Variants in ATP2B2 observed in about 807,000 individuals in gnomAD.
ATP2B2 encodes the protein plasma membrane calcium-transporting ATPase 2.
A neutral mutation model predicts 120.0 loss-of-function variants in ATP2B2; 15 were observed. That is an observed-to-expected ratio of 0.12 (90% CI 0.08 to 0.19). The LOEUF is 0.19. Among genes scored for constraint, ATP2B2 ranks in the 10% least tolerant of loss-of-function variants. The pLI is 1.00. For missense variants in ATP2B2, 1,045 were observed against 1,719.8 expected, an observed-to-expected ratio of 0.61 and a Z score of 6.94; for synonymous variants, 694 against 700.3, an observed-to-expected ratio of 0.99 and a Z score of 0.14.
At chr3:10,498,041 A>G (rs2066226446) in intron 1 of ATP2B2, among the ~76,000 whole-genome samples, 1 of 152,224 alleles carries the variant, frequency 6.6e-6, no homozygotes, top group African/African-American at 2.4e-5. Context: ...CTTTACGTAT[A>G]TTTAAGAAAT....
chr3:10,541,089 G>A (rs1440933075), intron 2 of ATP2B2, among the ~76,000 whole-genome samples: 1 of 152,018 alleles, frequency 6.6e-6, no homozygotes, highest in Admixed American at 6.6e-5. Flanking sequence ...TGATGTCTGT[G>A]GGGTCTGTAG....
intron 22 of ATP2B2, among the ~76,000 whole-genome samples, chr3:10,332,990 C>T (rs2060021726): frequency 6.6e-6 from 1 of 152,216 alleles, no homozygotes; most frequent in Admixed American, 6.5e-5. Flanking sequence ...AATTCATTCC[C>T]TCCCGAGCAT....
At chr3:10,486,841 T>G (rs2065696550) in intron 1 of ATP2B2, among the ~76,000 whole-genome samples, 1 of 152,096 alleles carries the variant, frequency 6.6e-6, no homozygotes, top group Admixed American at 6.5e-5. Context: ...TGCCTCAGCC[T>G]CCTGAGTAGC....
At chr3:10,659,482 T>C (rs2070724190) in intron 1 of ATP2B2, among the ~76,000 whole-genome samples, 1 of 151,776 alleles carries the variant, frequency 6.6e-6, no homozygotes, top group African/African-American at 2.4e-5. Context: ...CAAACTAAGA[T>C]CAAAAGAGAC....
intron 1 of ATP2B2, among the ~76,000 whole-genome samples, chr3:10,458,979 T>G (rs564006092): frequency 1.3e-5 from 2 of 152,360 alleles, no homozygotes; most frequent in Admixed American, 1.3e-4. Flanking sequence ...AAGGGTTATT[T>G]TAGCCCCACC....
intron 1 of ATP2B2, among the ~76,000 whole-genome samples, chr3:10,668,129 T>C (rs2070995095): frequency 6.6e-6 from 1 of 152,334 alleles, no homozygotes; most frequent in South Asian, 2.1e-4. Flanking sequence ...CCTCCCAGCC[T>C]GTAAGATAGG....
chr3:10,439,060 G>A (rs2063568020), intron 2 of ATP2B2, among the ~76,000 whole-genome samples: 1 of 152,216 alleles, frequency 6.6e-6, no homozygotes, highest in South Asian at 2.1e-4. Flanking sequence ...GCCAAGGCCT[G>A]GGGCAAAGGG....
intron 1 of ATP2B2, among the ~76,000 whole-genome samples, chr3:10,642,154 C>T (rs1269983551): frequency 6.6e-6 from 1 of 152,196 alleles, no homozygotes; most frequent in Non-Finnish European, 1.5e-5. Context: ...CTGGCTTTGT[C>T]ACTTCCAGGT....
chr3:10,668,471 T>C (rs2071006280), intron 1 of ATP2B2, among the ~76,000 whole-genome samples: 1 of 152,216 alleles, frequency 6.6e-6, no homozygotes, highest in African/African-American at 2.4e-5. Context: ...CTGCACATTA[T>C]CCACCAGGTC....
upstream of ATP2B2, chr3:10,505,778 G>A (rs1311313321): frequency 1.4e-5 from 2 of 142,812 alleles, no homozygotes; most frequent in African/African-American, 2.6e-5. Context: ...GAGGGGGCAC[G>A]GGGGAGGAGA....
At chr3:10,506,307 C>CT (rs1411012304), upstream of ATP2B2, among the ~76,000 whole-genome samples, 7 of 152,130 alleles carry the variant, frequency 4.6e-5, no homozygotes, top group Non-Finnish European at 8.8e-5. Flanking sequence ...TGGGGGCTGG[C>CT]TTGGCAGAAG....
intron 2 of ATP2B2, among the ~76,000 whole-genome samples, chr3:10,612,203 G>A (rs2069258488): frequency 6.6e-6 from 1 of 152,042 alleles, no homozygotes; most frequent in Admixed American, 6.5e-5. Flanking sequence ...CCCCTCCCCA[G>A]GTCCCCAGCC....
intron 2 of ATP2B2, among the ~76,000 whole-genome samples, chr3:10,608,057 C>T (rs1031562454): frequency 2.0e-5 from 3 of 152,222 alleles, no homozygotes; most frequent in Admixed American, 6.5e-5. Flanking sequence ...TTTTCCTTCA[C>T]GATTGACCCT....
chr3:10,456,227 A>G (rs996739472), intron 1 of ATP2B2, among the ~76,000 whole-genome samples: 3 of 152,264 alleles, frequency 2.0e-5, no homozygotes, highest in African/African-American at 7.2e-5. Context: ...TAGCTGGGAC[A>G]GTCGTACATG....
intron 2 of ATP2B2, among the ~76,000 whole-genome samples, chr3:10,580,547 A>G (rs1423359768): frequency 6.6e-6 from 1 of 152,054 alleles, no homozygotes; most frequent in African/African-American, 2.4e-5. Context: ...TACCCCTGCA[A>G]AATGCTCAGT....
At chr3:10,447,336 C>A (rs1001223695) in intron 2 of ATP2B2, among the ~76,000 whole-genome samples, 6 of 152,226 alleles carry the variant, frequency 3.9e-5, no homozygotes, top group African/African-American at 7.2e-5. Context: ...CCGGAAATGG[C>A]CCTGCAAGGT....
chr3:10,609,772 T>C (rs764610756), intron 2 of ATP2B2, among the ~76,000 whole-genome samples: 2 of 152,194 alleles, frequency 1.3e-5, no homozygotes, highest in Non-Finnish European at 2.9e-5. Flanking sequence ...GGCTCAGGGC[T>C]GATGAGGTGG....
At chr3:10,652,645 A>G (rs1249420964) in intron 1 of ATP2B2, among the ~76,000 whole-genome samples, 1 of 152,160 alleles carries the variant, frequency 6.6e-6, no homozygotes, top group Non-Finnish European at 1.5e-5. Context: ...ACACAAACAG[A>G]TATTTGCACA....
Position 10,340,702 on chromosome 3 carries a change from C to T in ATP2B2, c.2920G>A (p.Glu974Lys), listed in dbSNP as rs1363070884. 1.9e-6 allele frequency: 3 copies of T among 1,613,818 alleles called. No individual in the cohort carries two copies. Among genetic ancestry groups the T allele is most frequent in the Non-Finnish European group, 1.7e-6 (2 of 1,179,836 alleles). The stretch of plus-strand genomic sequence containing the variant: ...CCGCTGTCGATCTGGAACATCTTCT[C>T]GCCTGCCAAGTGAGAGAGTGGGGCT... The part of the protein sequence containing the change: ...ALIFTLLFVG[E>K]KMFQIDSGRN... Residue 974 changes from glutamate to lysine, a missense_variant and splice_region_variant, in exon 20 of 23, where the codon GAG becomes AAG. Physicochemically the swap from Glu to Lys is moderately conservative, Grantham distance 56 (BLOSUM62 1). This residue lies in a region of ATP2B2 where 211 missense variants were observed against 385.1 expected (regional missense o/e 0.55). Coordinates refer to ENST00000360273, the MANE Select transcript of ATP2B2 (RefSeq NM_001001331.4). This position sits in a 1 kb window ranked among gnomAD's most constrained non-coding sequence, Gnocchi z 5.0.
Sources: allele counts gnomAD v4.1 joint callset (sites outside exome capture counted in the v4.1 genomes callset), GRCh38; gene constraint gnomAD v4.1.1; regional missense constraint gnomAD v4.1.1; non-coding constraint Gnocchi (gnomAD v3.1); transcripts MANE v1.5; gene names NCBI Gene and HGNC (gene_info 2026-07-23, HGNC 2026-07-21).